The following ELP4 variants were observed in gnomAD, a reference collection of about 807,000 sequenced individuals.
ELP4 encodes the protein elongator complex protein 4.
ELP4 carries 51 observed loss-of-function variants against 48.9 expected under a neutral mutation model. That is an observed-to-expected ratio of 1.04 (90% confidence interval 0.83 to 1.32). ELP4 has a LOEUF of 1.32. Ranked by LOEUF, ELP4 falls within the 40% of genes most tolerant of loss-of-function variation. The pLI, the probability that ELP4 is intolerant of heterozygous loss-of-function variation, is 0.00. For synonymous variants in ELP4, 210 were observed against 189.2 expected (o/e 1.11, Z -0.90); for missense variants, 519 against 514.6 (o/e 1.01, Z -0.08).
At chr11:31,539,848 G>A (rs1279036060) in intron 3 of ELP4, 65 bp downstream of exon 3, 18 of 1,348,214 alleles carry the variant, frequency 1.3e-5, no homozygotes, top group Middle Eastern at 2.0e-4. Context: ...GTTTATATAT[G>A]TAAACAAGAT....
At chr11:31,635,249 G>A (rs567949427) in intron 7 of ELP4, among the ~76,000 whole-genome samples, 2 of 152,068 alleles carry the variant, frequency 1.3e-5, no homozygotes, top group South Asian at 2.1e-4. Context: ...AAAGATGTAC[G>A]AATACATATA....
At chr11:31,690,819 G>A (rs542710381) in intron 9 of ELP4, among the ~76,000 whole-genome samples, 6 of 110,416 alleles carry the variant, frequency 5.4e-5, no homozygotes, top group African/African-American at 1.0e-4. Context: ...TTTTTTTGCC[G>A]CAGAAAGCAA....
intron 9 of ELP4, among the ~76,000 whole-genome samples, chr11:31,661,626 A>T (rs1945557036): frequency 1.3e-5 from 2 of 152,022 alleles, no homozygotes; most frequent in African/African-American, 4.8e-5. Flanking sequence ...GGATAAATGA[A>T]TGAATGTCCT....
chr11:31,584,922 CAGTT>C (rs1326819919), intron 3 of ELP4, among the ~76,000 whole-genome samples: 1 of 152,114 alleles, frequency 6.6e-6, no homozygotes, highest in South Asian at 2.1e-4. Flanking sequence ...ACAGAATGTC[CAGTT>C]AGTTCCCTTA....
intron 3 of ELP4, among the ~76,000 whole-genome samples, chr11:31,553,600 A>G (rs1000957709): frequency 6.6e-6 from 1 of 152,008 alleles, no homozygotes; most frequent in Non-Finnish European, 1.5e-5. Context: ...ATGGACCTTG[A>G]CTAGAACTAC....
intron 9 of ELP4, 72 bp from the exon 10 acceptor site, chr11:31,783,321 T>C: frequency 7.1e-7 from 1 of 1,415,470 alleles, no homozygotes; most frequent in Non-Finnish European, 9.8e-7. Context: ...ATCTGAAGTA[T>C]GCTAGCCAAA....
chr11:31,584,328 C>T (rs1957438265), intron 3 of ELP4, among the ~76,000 whole-genome samples: 1 of 151,832 alleles, frequency 6.6e-6, no homozygotes, highest in South Asian at 2.1e-4. Context: ...GAAACCTTTT[C>T]CTTTACATTC....
intron 9 of ELP4, among the ~76,000 whole-genome samples, chr11:31,677,570 C>T (rs1285830223): frequency 2.6e-5 from 4 of 151,914 alleles, no homozygotes; most frequent in Non-Finnish European, 5.9e-5. Context: ...AGAAAATACT[C>T]CAAGTTTTTT....
At chr11:31,746,761 A>C (rs899880797) in intron 9 of ELP4, among the ~76,000 whole-genome samples, 1 of 152,036 alleles carries the variant, frequency 6.6e-6, no homozygotes, top group Non-Finnish European at 1.5e-5. Flanking sequence ...GGGGGGAGGG[A>C]TAGCATTAGG....
In ELP4 at chr11:31,785,673, T is replaced by C. The variant is rs1032339835; in HGVS notation, c.*2149T>C. ...AAAAATAAGCTACTGGAGAGGGGTG[T>C]GTATTTTTGTCTTCCTCTGATAAAA... On this transcript the variant is annotated 3_prime_UTR_variant, in exon 10 of 10. Coordinates refer to ENST00000640961, the MANE Select transcript of ELP4 (RefSeq NM_019040.5). 7 of 194,600 alleles carry C rather than the reference T, an allele frequency of 3.6e-5. No homozygotes were observed. Among genetic ancestry groups the C allele is most frequent in the Non-Finnish European group, 6.4e-5 (6 of 93,568 alleles). The allele number at this position is 194,600 out of a possible 1,614,324, so 12.1% of individuals were successfully genotyped here. A position where few individuals can be genotyped will look rare whatever the true frequency, so the allele number is the denominator to read the frequency against.
intron 9 of ELP4, chr11:31,650,979 C>G (rs2134074782): frequency 2.0e-5 from 3 of 151,700 alleles, no homozygotes; most frequent in Admixed American, 2.0e-4. Context: ...TGTTTAATCT[C>G]TTTTCAAATG....
At chr11:31,539,926 G>A in intron 3 of ELP4, 143 bp downstream of exon 3, 2 of 621,650 alleles carry the variant, frequency 3.2e-6, no homozygotes, top group Non-Finnish European at 4.6e-6. Flanking sequence ...TAAAATCTCA[G>A]TAAAAAGTAT....
chr11:31,577,508 C>A (rs1421871021), intron 3 of ELP4, among the ~76,000 whole-genome samples: 8 of 151,944 alleles, frequency 5.3e-5, no homozygotes, highest in Non-Finnish European at 1.2e-4. Context: ...TAATTTTAGA[C>A]CAATATCCCT....
At chr11:31,714,961 C>CA (rs1946812968) in intron 9 of ELP4, 1 of 396,306 alleles carries the variant, frequency 2.5e-6, no homozygotes, top group South Asian at 1.4e-4. Flanking sequence ...TGTAAGGTAA[C>CA]ACATTACAGG....
chr11:31,675,612 C>T (rs1461111507), intron 9 of ELP4, among the ~76,000 whole-genome samples: 2 of 152,112 alleles, frequency 1.3e-5, no homozygotes, highest in Non-Finnish European at 1.5e-5. Context: ...CTGAAGTGAT[C>T]ATGTAGGCAC....
At chr11:31,632,141 A>G (rs564909404) in intron 6 of ELP4, 76 bp from the exon 7 acceptor site, 1 of 1,219,530 alleles carries the variant, frequency 8.2e-7, no homozygotes, top group African/African-American at 1.5e-5. Flanking sequence ...TATAAAGATA[A>G]GAACTGACAG....
rs552582651 is a variant in ELP4 at position 31,588,491 on chromosome 11, G to T, written c.382-6279G>T. On this transcript the variant is annotated intron_variant, in intron 3 of 9. Coordinates refer to ENST00000640961, the MANE Select transcript of ELP4 (RefSeq NM_019040.5). ...AGATGTTTCATTTGTTTGCTTGCCG[G>T]TATAATGGGTGGGAAATAGTAACTG... Among the ~76,000 whole-genome samples the T allele has an allele frequency of 7.9e-5, 12 of 152,242 alleles. No homozygotes were observed. The South Asian group carries it at 2.5e-3, about 31-fold the overall frequency.
At chr11:31,743,201 C>G (rs1947498022) in intron 9 of ELP4, among the ~76,000 whole-genome samples, 1 of 152,148 alleles carries the variant, frequency 6.6e-6, no homozygotes, top group Admixed American at 6.5e-5. Flanking sequence ...AGCTAACTAT[C>G]CCAAATATAT....
intron 9 of ELP4, among the ~76,000 whole-genome samples, chr11:31,734,723 C>G (rs1359200167): frequency 6.6e-6 from 1 of 151,984 alleles, no homozygotes; most frequent in Non-Finnish European, 1.5e-5. Context: ...CAGACATAAA[C>G]AAATGGAAAG....
Sources: allele counts gnomAD v4.1 joint callset (sites outside exome capture counted in the v4.1 genomes callset), GRCh38; gene constraint gnomAD v4.1.1; transcripts MANE v1.5; gene names NCBI Gene and HGNC (gene_info 2026-07-23, HGNC 2026-07-21).